KLRC1: variants seen among roughly 807,000 people sequenced by gnomAD.
The protein encoded by KLRC1 is killer cell lectin like receptor C1.
KLRC1 carries 22 observed loss-of-function variants against 25.9 expected under a neutral mutation model. The ratio of observed to expected loss-of-function variants is 0.85; its 90% CI spans 0.61 to 1.21. The LOEUF is 1.21. Among genes scored for constraint, KLRC1 ranks in the 50% most tolerant of loss-of-function variants. The probability of loss-of-function intolerance (pLI) is 0.00; values close to 1 mark genes in which losing one functional copy is unlikely to be tolerated. For synonymous variants in KLRC1, 77 were observed against 93.1 expected (o/e 0.83, Z 0.99); for missense variants, 240 against 272.2 (o/e 0.88, Z 0.83).
intron 5 of KLRC1, among the ~76,000 whole-genome samples, chr12:10,448,865 AG>A (rs146352052): frequency 2.6e-5 from 4 of 152,168 alleles, no homozygotes; most frequent in South Asian, 2.1e-4. Flanking sequence ...GGGCATACAC[AG>A]GGGTGGAACT....
At chr12:10,448,262 C>T (rs1381529616) in intron 5 of KLRC1, among the ~76,000 whole-genome samples, 1 of 152,170 alleles carries the variant, frequency 6.6e-6, no homozygotes, top group Non-Finnish European at 1.5e-5. Flanking sequence ...AGGGATCAAC[C>T]AAGTGTCCGA....
At chr12:10,449,514 AAATAT>A in intron 4 of KLRC1, 126 bp from the exon 5 acceptor site, 1 of 1,472,734 alleles carries the variant, frequency 6.8e-7, no homozygotes, top group Non-Finnish European at 9.1e-7. Flanking sequence ...ATGGGCTGGT[AAATAT>A]ATAGTGTCAA....
upstream of KLRC1, chr12:10,454,630 T>C: frequency 1.0e-6 from 1 of 985,306 alleles, no homozygotes; most frequent in Non-Finnish European, 1.2e-6. Context: ...CTGACCTCTG[T>C]CCTACAGAAG....
chr12:10,443,176 A>G (rs1198476034), downstream of KLRC1, among the ~76,000 whole-genome samples: 2 of 141,982 alleles, frequency 1.4e-5, no homozygotes, highest in African/African-American at 5.4e-5. Context: ...GTAACAAAAG[A>G]ATAAATCCTT....
intron 2 of KLRC1, 92 bp downstream of exon 2, chr12:10,450,878 A>G: frequency 2.2e-6 from 2 of 905,390 alleles, no homozygotes; most frequent in East Asian, 4.8e-5. Context: ...CAAATAGAAG[A>G]TATATGAGCA....
chr12:10,454,623 A>C, upstream of KLRC1: 1 of 985,244 alleles, frequency 1.0e-6, no homozygotes, highest in Non-Finnish European at 1.2e-6. Flanking sequence ...ATGCTTGCTG[A>C]CCTCTGTCCT....
chr12:10,447,947 T>C (rs550427897), intron 5 of KLRC1, among the ~76,000 whole-genome samples: 2 of 152,342 alleles, frequency 1.3e-5, no homozygotes, highest in East Asian at 3.9e-4. Flanking sequence ...TTTTGTGCTA[T>C]ATTTCTCAGA....
At chr12:10,445,333 C>T (rs79865983), downstream of KLRC1, among the ~76,000 whole-genome samples, 3,266 of 152,034 alleles carry the variant, frequency 0.021, 130 homozygotes, top group African/African-American at 0.075. Context: ...TATATAAATA[C>T]AACATATATC....
At position 10,446,570 on chromosome 12, in the gene KLRC1, T is replaced by C; in HGVS notation, c.683A>G (p.His228Arg). 1.9e-6 allele frequency: 3 copies of C among 1,613,614 alleles called. No homozygotes were observed. Among genetic ancestry groups the C allele is most frequent in the Non-Finnish European group, 2.5e-6 (3 of 1,179,620 alleles). The change falls in exon 7 of 7, where the codon CAT (histidine) becomes CGT (arginine). Residue 228 changes from histidine to arginine, a missense_variant. Coordinates refer to ENST00000359151, the MANE Select transcript of KLRC1 (RefSeq NM_002259.5). ...TTACCTCTAAAGCTTATGCTTACAA[T>C]GATATATTATTGAAGATCCACACTG... The part of the protein sequence containing the change: ...SAQCGSSIIY[H>R]CKHKL
At chr12:10,447,987 T>G (rs1864029009) in intron 5 of KLRC1, among the ~76,000 whole-genome samples, 1 of 152,182 alleles carries the variant, frequency 6.6e-6, no homozygotes. Flanking sequence ...AATTAGAGGT[T>G]GTGATTCAGA....
intron 4 of KLRC1, among the ~76,000 whole-genome samples, chr12:10,449,673 G>A (rs1446424223): frequency 6.6e-6 from 1 of 151,944 alleles, no homozygotes; most frequent in African/African-American, 2.4e-5. Context: ...GATTTTTAAG[G>A]AACAATAAAT....
rs1863992527 is a variant in KLRC1 at position 10,446,658 on chromosome 12, T to C, written c.595A>G (p.Lys199Glu). 3 of 1,613,842 alleles carry C rather than the reference T, an allele frequency of 1.9e-6. No homozygotes were observed. Among genetic ancestry groups the C allele is most frequent in the East Asian group, 2.2e-5 (1 of 44,810 alleles). Residue 199 changes from lysine (K) to glutamate (E), a missense_variant, in exon 7 of 7, where the codon AAA becomes GAA. Physicochemically the swap from Lys to Glu is moderately conservative, Grantham distance 56. Transcript: ENST00000359151. ...MNGLAFKHEIKDSDNAELNCA... is the reference protein window; with the variant it reads ...MNGLAFKHEIEDSDNAELNCA... ...TTAAGTTCAGCATTATCTGAGTCTT[T>C]TATCCTGTAATGGAGAAAAATCCAT...
intron 2 of KLRC1, 132 bp from the exon 3 acceptor site, chr12:10,450,711 T>C: frequency 1.6e-6 from 1 of 644,074 alleles, no homozygotes; most frequent in Non-Finnish European, 2.7e-6. Flanking sequence ...CATCTCCCAT[T>C]GTAATCTTTT....
At chr12:10,447,769 G>A (rs2734442) in intron 5 of KLRC1, 137 bp from the exon 6 acceptor site, 588,262 of 665,498 alleles carry the variant, frequency 0.88, 260,571 homozygotes, top group East Asian at 0.97. Context: ...AAATGAACCC[G>A]TCAATGTTTA....
intron 5 of KLRC1, among the ~76,000 whole-genome samples, chr12:10,448,683 G>A (rs1864050330): frequency 6.6e-6 from 1 of 152,184 alleles, no homozygotes; most frequent in Non-Finnish European, 1.5e-5. Context: ...ATAAACGACA[G>A]ATAACCGCAA....
In KLRC1 at chr12:10,447,640, A is replaced by G; in HGVS notation, c.490-8T>C. On this transcript the variant is annotated splice_region_variant and splice_polypyrimidine_tract_variant and intron_variant, in intron 5 of 6. Coordinates refer to ENST00000359151, the MANE Select transcript of KLRC1 (RefSeq NM_002259.5). The stretch of plus-strand genomic sequence containing the variant: ...AATGATGGACAGAAATTTCTAAAAG[A>G]AAAGAAAGAATTTTCACTTAAATAA... The G allele has an allele frequency of 6.3e-7, 1 of 1,579,220 alleles. No homozygotes were observed.
chr12:10,452,766 T>TA (rs1411137159), intron 1 of KLRC1, among the ~76,000 whole-genome samples: 1 of 152,184 alleles, frequency 6.6e-6, no homozygotes, highest in Non-Finnish European at 1.5e-5. Flanking sequence ...TGATTTTTAT[T>TA]AAAAATAAAA....
chr12:10,453,087 A>T, intron 1 of KLRC1, 111 bp downstream of exon 1: 2 of 314,438 alleles, frequency 6.4e-6, no homozygotes, highest in Non-Finnish European at 9.2e-6. Flanking sequence ...GCAATATTCT[A>T]CTTTGATTTT....
At chr12:10,446,684 A>T (rs369788262) in intron 6 of KLRC1, 22 bp from the exon 7 acceptor site, 504 of 1,612,714 alleles carry the variant, frequency 3.1e-4, no homozygotes, top group East Asian at 9.2e-4. Context: ...AAAAATCCAT[A>T]TTCTGTTACA....
Sources: allele counts gnomAD v4.1 joint callset (sites outside exome capture counted in the v4.1 genomes callset), GRCh38; gene constraint gnomAD v4.1.1; transcripts MANE v1.5; gene names NCBI Gene and HGNC (gene_info 2026-07-23, HGNC 2026-07-21).